The following DCDC1 variants were observed in gnomAD, a reference collection of about 807,000 sequenced individuals.
The protein encoded by DCDC1 is doublecortin domain-containing protein 1.
In DCDC1, 200 loss-of-function variants were observed where a neutral mutation model predicts 178.3. The ratio of observed to expected loss-of-function variants is 1.12; its 90% CI spans 1.00 to 1.26. The LOEUF (loss-of-function observed/expected upper bound fraction) is 1.26. Among genes scored for constraint, DCDC1 ranks in the 50% most tolerant of loss-of-function variants. The pLI, the probability that DCDC1 is intolerant of heterozygous loss-of-function variation, is 0.00. For synonymous variants in DCDC1, 690 were observed against 604.8 expected (o/e 1.14, Z -2.07); for missense variants, 1,983 against 1,749.2 (o/e 1.13, Z -2.38).
At chr11:31,088,007 T>C (rs778515805) in intron 17 of DCDC1, among the ~76,000 whole-genome samples, 6 of 152,218 alleles carry the variant, frequency 3.9e-5, no homozygotes, top group African/African-American at 1.4e-4. Context: ...GTGCCATTTT[T>C]AAAAAATTAG....
At chr11:31,210,032 T>C (rs1972307890) in intron 9 of DCDC1, among the ~76,000 whole-genome samples, 2 of 152,204 alleles carry the variant, frequency 1.3e-5, no homozygotes, top group Non-Finnish European at 2.9e-5. Flanking sequence ...AACATGCATG[T>C]CTACCAGTGT....
At chr11:30,906,409 G>A in intron 30 of DCDC1, 131 bp downstream of exon 30, 2 of 885,542 alleles carry the variant, frequency 2.3e-6, no homozygotes, top group Non-Finnish European at 3.4e-6. Context: ...CAGGTAGAAT[G>A]GTAAAGGTGC....
Position 30,892,886 on chromosome 11 carries a change from C to T in DCDC1, c.5014G>A (p.Val1672Met), listed in dbSNP as rs777571557. The T allele has an allele frequency of 4.5e-5, 72 of 1,613,786 alleles. No individual in the cohort carries two copies. Among genetic ancestry groups the T allele is most frequent in the Non-Finnish European group, 5.8e-5 (69 of 1,179,856 alleles). ...CTGCCTCCATTTAGATAAATCCACA[C>T]TCGTTTTGTGTTGGGCTGCTTATAC... ...NLYKQPNTKR[V>M]WIYLNGGRPE... The change falls in exon 36 of 39, where the codon GTG becomes ATG. Residue 1672 changes from valine to methionine, a missense_variant. By Grantham distance (21) the Val-to-Met change is conservative. Coordinates refer to ENST00000684477, the MANE Select transcript of DCDC1 (RefSeq NM_001387274.1).
rs981678984 is a variant in DCDC1 at position 30,878,562 on chromosome 11, A to T, written c.*22T>A. 1.3e-6 allele frequency: 2 copies of T among 1,578,124 alleles called. No homozygotes were observed. Among genetic ancestry groups the T allele is most frequent in the African/African-American group, 1.4e-5 (1 of 72,498 alleles). ...GCTATACCAGAAAAATACAGCAGAA[A>T]ATCCGATGGTTCTGATAGGAGTTAA... On this transcript the variant is annotated 3_prime_UTR_variant, in exon 38 of 39. Transcript: ENST00000684477.
chr11:31,060,521 G>A (rs938858298), intron 20 of DCDC1, among the ~76,000 whole-genome samples: 9 of 152,016 alleles, frequency 5.9e-5, no homozygotes, highest in African/African-American at 2.2e-4. Context: ...GCAATATTCT[G>A]AAGTTTATAT....
chr11:31,265,679 C>T (rs1945105777), intron 7 of DCDC1, 79 bp from the exon 8 acceptor site: 7 of 512,214 alleles, frequency 1.4e-5, no homozygotes, highest in Non-Finnish European at 2.2e-5. Flanking sequence ...TTCTATACTA[C>T]ACAGCTATTA....
chr11:30,935,404 C>G (rs1014109365), intron 21 of DCDC1, among the ~76,000 whole-genome samples: 1 of 152,174 alleles, frequency 6.6e-6, no homozygotes, highest in African/African-American at 2.4e-5. Flanking sequence ...GTCTGGGATG[C>G]TACCGTCTTC....
chr11:31,120,980 T>C (rs906707677), intron 11 of DCDC1, among the ~76,000 whole-genome samples: 5 of 152,130 alleles, frequency 3.3e-5, no homozygotes, highest in Non-Finnish European at 5.9e-5. Context: ...CACTGAGCCA[T>C]GGCTCTAGCA....
chr11:31,303,367 C>T (rs1409977505), intron 6 of DCDC1, among the ~76,000 whole-genome samples: 2 of 152,066 alleles, frequency 1.3e-5, no homozygotes, highest in East Asian at 1.9e-4. Flanking sequence ...AATTGATTTC[C>T]CCTATTTACC....
chr11:31,159,913 A>AC (rs1261326599), intron 9 of DCDC1, among the ~76,000 whole-genome samples: 3 of 152,110 alleles, frequency 2.0e-5, no homozygotes, highest in African/African-American at 7.2e-5. Context: ...TGTAATAATA[A>AC]CCCCAAGGAA....
chr11:31,040,573 T>G (rs1030239404), intron 20 of DCDC1, among the ~76,000 whole-genome samples: 1 of 152,202 alleles, frequency 6.6e-6, no homozygotes, highest in Admixed American at 6.5e-5. Context: ...TTCTAACTGA[T>G]AGCCATAAAA....
chr11:31,116,242 C>CT (rs35686724), intron 11 of DCDC1, among the ~76,000 whole-genome samples: 118,258 of 151,916 alleles, frequency 0.78, 47,007 homozygotes, highest in African/African-American at 0.94. Flanking sequence ...TCAAAATTTA[C>CT]CTTATATCTA....
At chr11:31,280,968 C>A (rs2137278195) in intron 7 of DCDC1, 1 of 627,388 alleles carries the variant, frequency 1.6e-6, no homozygotes, top group Non-Finnish European at 3.0e-6. Flanking sequence ...ACTCTTCTTG[C>A]CTTTCTCAAC....
At chr11:31,190,226 A>C (rs923443909) in intron 9 of DCDC1, among the ~76,000 whole-genome samples, 3 of 152,140 alleles carry the variant, frequency 2.0e-5, no homozygotes, top group Admixed American at 6.6e-5. Flanking sequence ...TTATTATATT[A>C]TCTGATCATC....
At chr11:31,153,560 A>G (rs1026973724) in intron 9 of DCDC1, among the ~76,000 whole-genome samples, 1 of 152,068 alleles carries the variant, frequency 6.6e-6, no homozygotes, top group Non-Finnish European at 1.5e-5. Context: ...AGGCGGGCGG[A>G]TCACTTGAGG....
In DCDC1 at chr11:31,094,073, C is replaced by A; in HGVS notation, c.2095G>T (p.Ala699Ser). The A allele has an allele frequency of 1.3e-6, 1 of 766,212 alleles. No individual in the cohort carries two copies. The highest frequency in any genetic ancestry group is 2.4e-6 in the Non-Finnish European group (1 of 417,780). The allele number at this position is 766,212 out of a possible 1,614,324, so 47.5% of individuals were successfully genotyped here. A position where few individuals can be genotyped will look rare whatever the true frequency, so the allele number is the denominator to read the frequency against. Reference sequence around the variant, plus strand: ...ACCTTGGTGATCAGCCACACACTGGCTACAGGCCACAGGATCGATGGCGCT... The same window carrying A: ...ACCTTGGTGATCAGCCACACACTGGATACAGGCCACAGGATCGATGGCGCT... The part of the protein sequence containing the change: ...QIAPSILWPV[A>S]SVWLITKTGM... Residue 699 changes from alanine to serine, a missense_variant, in exon 16 of 39, where the codon GCC becomes TCC. Transcript: ENST00000684477.
intron 9 of DCDC1, among the ~76,000 whole-genome samples, chr11:31,155,391 G>T (rs1965614953): frequency 6.6e-6 from 1 of 152,132 alleles, no homozygotes. Context: ...TACTGTAGGG[G>T]GGAAGAGTCA....
intron 9 of DCDC1, among the ~76,000 whole-genome samples, chr11:31,165,787 G>A (rs1338849721): frequency 6.6e-6 from 1 of 152,146 alleles, no homozygotes; most frequent in African/African-American, 2.4e-5. Flanking sequence ...TGATGAGGAG[G>A]TTGTAGTGCT....
At chr11:30,988,886 G>T (rs963371220) in intron 20 of DCDC1, among the ~76,000 whole-genome samples, 1 of 152,162 alleles carries the variant, frequency 6.6e-6, no homozygotes, top group Non-Finnish European at 1.5e-5. Context: ...TACTTCAAAT[G>T]AGCTTCATAT....
Sources: allele counts gnomAD v4.1 joint callset (sites outside exome capture counted in the v4.1 genomes callset), GRCh38; gene constraint gnomAD v4.1.1; transcripts MANE v1.5; gene names NCBI Gene and HGNC (gene_info 2026-07-23, HGNC 2026-07-21).